The following TACC2 variants were observed in gnomAD, a reference collection of about 807,000 sequenced individuals.
TACC2 encodes the protein transforming acidic coiled-coil containing protein 2, also known as transforming acidic coiled-coil-containing protein 2.
A neutral mutation model predicts 227.3 loss-of-function variants in TACC2; 137 were observed. That is an observed-to-expected ratio of 0.60 (90% confidence interval 0.52 to 0.69). TACC2 has a LOEUF of 0.69. Ranked by LOEUF, TACC2 falls within the 30% of genes least tolerant of loss-of-function variation. The pLI is 0.00. For synonymous variants in TACC2, 1,523 were observed against 1,487.5 expected, an observed-to-expected ratio of 1.02 and a Z score of -0.55; for missense variants, 3,470 against 3,694.4, an observed-to-expected ratio of 0.94 and a Z score of 1.57.
At chr10:122,172,637 C>A (rs901972780) in intron 7 of TACC2, among the ~76,000 whole-genome samples, 6 of 152,226 alleles carry the variant, frequency 3.9e-5, no homozygotes, top group African/African-American at 1.4e-4. Flanking sequence ...CATTTAGATC[C>A]TGCATGGAAC....
intron 1 of TACC2, among the ~76,000 whole-genome samples, chr10:121,996,286 G>A (rs754702508): frequency 7.2e-5 from 11 of 152,118 alleles, no homozygotes; most frequent in Non-Finnish European, 1.2e-4. Context: ...CTCAGGCTGA[G>A]CTCAAGCGAT....
At chr10:122,167,077 C>G (rs2093214977) in intron 7 of TACC2, among the ~76,000 whole-genome samples, 1 of 152,234 alleles carries the variant, frequency 6.6e-6, no homozygotes, top group African/African-American at 2.4e-5. Flanking sequence ...GGGGTTCCCT[C>G]AGCTTCCACC....
intron 11 of TACC2, among the ~76,000 whole-genome samples, chr10:122,217,437 CTTTT>C (rs35233150): frequency 1.1e-5 from 1 of 93,256 alleles, no homozygotes; most frequent in Non-Finnish European, 2.1e-5. Context: ...TTTCTTTTTT[CTTTT>C]TTTTTTTTTT....
intron 6 of TACC2, among the ~76,000 whole-genome samples, chr10:122,135,605 A>G (rs1275899792): frequency 6.6e-6 from 1 of 152,206 alleles, no homozygotes; most frequent in Admixed American, 6.5e-5. Context: ...TGTTAATACC[A>G]AGGATTGGTC....
In TACC2 at chr10:122,088,572, G is replaced by C. The variant is rs973574478; in HGVS notation, c.5554G>C (p.Gly1852Arg). The C allele has an allele frequency of 6.2e-7, 1 of 1,613,432 alleles. No individual in the cohort carries two copies. The highest frequency in any genetic ancestry group is 1.3e-5 in the African/African-American group (1 of 74,910). Residue 1852 changes from glycine to arginine, a missense_variant, in exon 5 of 23, where the codon GGT (glycine) becomes CGT (arginine). Coordinates refer to ENST00000369005, the MANE Select transcript of TACC2 (RefSeq NM_206862.4). Reference sequence around the variant, plus strand: ...TAAAGTCACTTCAGATGAGACCAGAGGTGCGGAAGGAACAGAAAGGTCAGC... The same window carrying C: ...TAAAGTCACTTCAGATGAGACCAGACGTGCGGAAGGAACAGAAAGGTCAGC... ...MDKVTSDETR[G>R]AEGTESSPVA...
chr10:122,104,223 C>CT (rs1029720786), intron 5 of TACC2, among the ~76,000 whole-genome samples: 1 of 152,126 alleles, frequency 6.6e-6, no homozygotes, highest in Non-Finnish European at 1.5e-5. Context: ...ATGTCCTCTT[C>CT]TTTTTTCAGC....
intron 1 of TACC2, among the ~76,000 whole-genome samples, chr10:121,992,185 C>G (rs1235930418): frequency 1.3e-5 from 2 of 152,122 alleles, no homozygotes; most frequent in South Asian, 2.1e-4. Context: ...GATCAATAAA[C>G]TGGGAACAAA....
chr10:122,056,405 C>T (rs1239078108), intron 3 of TACC2, among the ~76,000 whole-genome samples: 2 of 152,274 alleles, frequency 1.3e-5, no homozygotes, highest in African/African-American at 4.8e-5. Context: ...GAACTCTTGA[C>T]CTCAGGTGAT....
rs138962536 is a variant in TACC2 at position 122,253,552 on chromosome 10, C to T, written c.8782-439C>T. On this transcript the variant is annotated intron_variant, in intron 22 of 22. Coordinates refer to ENST00000369005, the MANE Select transcript of TACC2 (RefSeq NM_206862.4). ...TGAGCAATGCCAGTGATCCCATTCA[C>T]GTAGAACTGCGTAACCCTCCTTATG... Among the ~76,000 whole-genome samples, 21 of 152,224 alleles carry T rather than the reference C, an allele frequency of 1.4e-4. No individual in the cohort carries two copies. In the East Asian group the frequency reaches 2.7e-3, roughly 20 times the overall value.
intron 1 of TACC2, among the ~76,000 whole-genome samples, chr10:122,011,066 G>A (rs948456831): frequency 6.6e-6 from 1 of 152,194 alleles, no homozygotes; most frequent in Non-Finnish European, 1.5e-5. Flanking sequence ...CTTGGGTAAA[G>A]GCCTGTGGCC....
In TACC2 at chr10:122,150,097, CT is replaced by C. The variant is rs1330112271; in HGVS notation, c.5834+6392del. ...CTCCCTCAGTTCCGTGGGCCCAGGT[CT>C]GCAGTTCTTTTCCTCCTTCTGGGAG... On this transcript the variant is annotated intron_variant, in intron 7 of 22. Coordinates refer to ENST00000369005, the MANE Select transcript of TACC2 (RefSeq NM_206862.4). The surrounding 1 kb of genome is among the most constrained non-coding windows in gnomAD (Gnocchi z 4.0). Among the ~76,000 whole-genome samples the C allele has an allele frequency of 6.6e-6, 1 of 152,150 alleles. No homozygotes were observed. Among genetic ancestry groups the C allele is most frequent in the East Asian group, 1.9e-4 (1 of 5,166 alleles).
chr10:122,048,892 A>G (rs2075357080), intron 2 of TACC2, among the ~76,000 whole-genome samples: 1 of 152,244 alleles, frequency 6.6e-6, no homozygotes, highest in African/African-American at 2.4e-5. Flanking sequence ...AAACTGTGGT[A>G]CATAAACAAA....
intron 1 of TACC2, among the ~76,000 whole-genome samples, chr10:122,018,370 C>T (rs1474206884): frequency 1.3e-5 from 2 of 152,174 alleles, no homozygotes; most frequent in African/African-American, 4.8e-5. Flanking sequence ...ATATATGAAA[C>T]ATTTACACTT....
intron 7 of TACC2, among the ~76,000 whole-genome samples, chr10:122,189,928 T>C (rs2094349910): frequency 6.6e-6 from 1 of 152,220 alleles, no homozygotes; most frequent in South Asian, 2.1e-4. Flanking sequence ...TGTGTTGGAA[T>C]AGGATATGAT....
chr10:122,128,050 G>A (rs2087225875), intron 5 of TACC2, among the ~76,000 whole-genome samples: 1 of 152,238 alleles, frequency 6.6e-6, no homozygotes, highest in African/African-American at 2.4e-5. Flanking sequence ...AAGGCAGAAG[G>A]TGGCAGGGGG....
At chr10:122,152,999 C>CTTTCTTTCTTTTTTTTTTT (rs71026005) in intron 7 of TACC2, among the ~76,000 whole-genome samples, 1 of 135,024 alleles carries the variant, frequency 7.4e-6, no homozygotes. Context: ...TTCTTTCTTT[C>CTTTCTTTCTTTTTTTTTTT]TTTTTTTTTT....
In TACC2 at chr10:122,211,725, A is replaced by T. The variant is rs1274255802; in HGVS notation, c.7283+17A>T. On this transcript the variant is annotated intron_variant, in intron 9 of 22. Transcript: ENST00000369005. ...CCTAAAGACGTAAGTTCAGGGGTGGAGGTGGTAAGGATCAGAGGCGGGGGT... is the reference window on the plus strand; with the variant it reads ...CCTAAAGACGTAAGTTCAGGGGTGGTGGTGGTAAGGATCAGAGGCGGGGGT... 6.5e-7 allele frequency: 1 copy of T among 1,528,932 alleles called. No individual in the cohort carries two copies. Among genetic ancestry groups the T allele is most frequent in the Non-Finnish European group, 8.7e-7 (1 of 1,143,434 alleles). The allele number at this position is 1,528,932 out of a possible 1,614,324, so 94.7% of individuals were successfully genotyped here. A position where few individuals can be genotyped will look rare whatever the true frequency, so the allele number is the denominator to read the frequency against.
At position 122,087,832 on chromosome 10, in the gene TACC2, C is replaced by A; in HGVS notation, c.5332C>A (p.Gln1778Lys). 6.5e-7 allele frequency: 1 copy of A among 1,547,814 alleles called. No individual in the cohort carries two copies. Among genetic ancestry groups the A allele is most frequent in the South Asian group, 1.3e-5 (1 of 79,498 alleles). ...AGCCAGGCCCCAGCAGGCTAAGGAG[C>A]AGCCAGGGCCTGAGCGCCCCATTCC... ...SPARPQQAKE[Q>K]PGPERPIPAG... is the part of the protein sequence containing the mutation. Residue 1778 changes from glutamine (Q) to lysine (K), a missense_variant, in exon 4 of 23, where the codon CAG (glutamine) becomes AAG (lysine). Physicochemically the swap from Gln to Lys is moderately conservative, Grantham distance 53. Around this residue, in one of 10 missense-constraint regions of TACC2, gnomAD observed 1,924 missense variants for 1,978.3 expected, o/e 0.97. Transcript: ENST00000369005.
At chr10:122,245,886 C>T (rs2096104305) in intron 19 of TACC2, among the ~76,000 whole-genome samples, 1 of 152,134 alleles carries the variant, frequency 6.6e-6, no homozygotes, top group Non-Finnish European at 1.5e-5. Context: ...AAACCCTGCT[C>T]AAGGTCACTC....
Sources: allele counts gnomAD v4.1 joint callset (sites outside exome capture counted in the v4.1 genomes callset), GRCh38; gene constraint gnomAD v4.1.1; regional missense constraint gnomAD v4.1.1; non-coding constraint Gnocchi (gnomAD v3.1); transcripts MANE v1.5; gene names NCBI Gene and HGNC (gene_info 2026-07-23, HGNC 2026-07-21).